The following EFNB2 variants were observed in gnomAD, a reference collection of about 807,000 sequenced individuals.
The protein encoded by EFNB2 is ephrin B2.
Under a neutral mutation model 32.1 loss-of-function variants are expected in EFNB2, and 5 were observed. The observed-to-expected ratio is 0.16, with a 90% confidence interval of 0.08 to 0.33. The LOEUF (loss-of-function observed/expected upper bound fraction) is 0.33. EFNB2 is among the 10% of genes least tolerant of loss of function. The probability of loss-of-function intolerance (pLI) is 1.00; values close to 1 mark genes in which losing one functional copy is unlikely to be tolerated. For missense variants in EFNB2, 263 were observed against 422.6 expected (o/e 0.62, Z 3.31); for synonymous variants, 168 against 166.5 (o/e 1.01, Z -0.07).
At chr13:106,514,718 C>T (rs1594170846) in intron 1 of EFNB2, among the ~76,000 whole-genome samples, 2 of 152,120 alleles carry the variant, frequency 1.3e-5, no homozygotes, top group Admixed American at 1.3e-4. Context: ...CACTCCAAAC[C>T]TTTTCTATCC....
Position 106,534,985 on chromosome 13 carries a change from C to A in EFNB2, c.-21G>T. 1 of 1,611,836 alleles carries A rather than the reference C, an allele frequency of 6.2e-7. No individual in the cohort carries two copies. The highest frequency in any genetic ancestry group is 1.1e-5 in the South Asian group (1 of 90,890). On this transcript the variant is annotated 5_prime_UTR_variant, in exon 1 of 5. Transcript: ENST00000646441. ...GCCATGGCGAAGCCACTCCCAGCTCCGCGCACTCCGGGCCAAGAAGGGACT... is the reference window on the plus strand; with the variant it reads ...GCCATGGCGAAGCCACTCCCAGCTCAGCGCACTCCGGGCCAAGAAGGGACT...
At chr13:106,530,621 AT>A (rs1390872003) in intron 1 of EFNB2, among the ~76,000 whole-genome samples, 8 of 152,094 alleles carry the variant, frequency 5.3e-5, no homozygotes, top group Non-Finnish European at 8.8e-5. Flanking sequence ...TTTCCTAAAA[AT>A]TTTTTTATTA....
rs151088236 is a variant in EFNB2 at position 106,524,467 on chromosome 13, T to C, written c.122+10376A>G. ...GGCCACAGTCTCCCCGTTGGTATTATGGATATATTAAAAGTGCTTCCCTCA... is the reference window on the plus strand; with the variant it reads ...GGCCACAGTCTCCCCGTTGGTATTACGGATATATTAAAAGTGCTTCCCTCA... On this transcript the variant is annotated intron_variant, in intron 1 of 4. Coordinates refer to ENST00000646441, the MANE Select transcript of EFNB2 (RefSeq NM_004093.4). Among the ~76,000 whole-genome samples, 34 of 152,332 alleles carry C rather than the reference T, an allele frequency of 2.2e-4. 1 individual carries two copies. Among genetic ancestry groups the C allele is most frequent in the African/African-American group, 7.2e-4 (30 of 41,574 alleles).
At chr13:106,532,528 G>A (rs2138949209) in intron 1 of EFNB2, among the ~76,000 whole-genome samples, 1 of 152,326 alleles carries the variant, frequency 6.6e-6, no homozygotes, top group South Asian at 2.1e-4. Flanking sequence ...CCTGTCATCA[G>A]GGGGTTGTAT....
At chr13:106,524,541 G>C (rs1879637187) in intron 1 of EFNB2, among the ~76,000 whole-genome samples, 1 of 152,212 alleles carries the variant, frequency 6.6e-6, no homozygotes, top group South Asian at 2.1e-4. Flanking sequence ...AGTTAGAATA[G>C]CAGCTGGCAC....
intron 3 of EFNB2, among the ~76,000 whole-genome samples, chr13:106,495,336 T>C (rs28576766): frequency 0.32 from 48,488 of 152,082 alleles, 7,977 homozygotes; most frequent in East Asian, 0.43. Context: ...CAATAGGTTA[T>C]CTATATTGGA....
intron 1 of EFNB2, among the ~76,000 whole-genome samples, chr13:106,514,479 CT>C (rs1251909281): frequency 2.6e-5 from 4 of 152,148 alleles, no homozygotes; most frequent in African/African-American, 9.7e-5. Context: ...AGGCTAATTT[CT>C]TTATCTCCCC....
At chr13:106,494,167 G>T (rs914912713) in intron 4 of EFNB2, among the ~76,000 whole-genome samples, 1 of 152,188 alleles carries the variant, frequency 6.6e-6, no homozygotes, top group African/African-American at 2.4e-5. Context: ...GAAAGGGATG[G>T]AATATTGCTG....
At chr13:106,507,318 T>C (rs1878987479) in intron 2 of EFNB2, among the ~76,000 whole-genome samples, 1 of 152,214 alleles carries the variant, frequency 6.6e-6, no homozygotes, top group Non-Finnish European at 1.5e-5. Flanking sequence ...ATCTATATGT[T>C]AAGAGGACAT....
intron 1 of EFNB2, among the ~76,000 whole-genome samples, chr13:106,527,610 T>C (rs564231585): frequency 2.6e-5 from 4 of 152,344 alleles, no homozygotes; most frequent in African/African-American, 9.6e-5. Context: ...AATTTATACA[T>C]GAAAGGAAAA....
intron 1 of EFNB2, among the ~76,000 whole-genome samples, chr13:106,524,971 A>G (rs1213306750): frequency 1.3e-5 from 2 of 152,224 alleles, no homozygotes; most frequent in Non-Finnish European, 2.9e-5. Flanking sequence ...GTATTATGCT[A>G]TAGTCTTTAT....
At chr13:106,514,996 C>A (rs1243774162) in intron 1 of EFNB2, among the ~76,000 whole-genome samples, 1 of 152,186 alleles carries the variant, frequency 6.6e-6, no homozygotes, top group Non-Finnish European at 1.5e-5. Context: ...TCACTAAGCT[C>A]CTTCTTCATT....
chr13:106,527,855 T>A (rs1353584521), intron 1 of EFNB2, among the ~76,000 whole-genome samples: 8 of 152,242 alleles, frequency 5.3e-5, no homozygotes, highest in African/African-American at 1.9e-4. Context: ...TCTTGAATGA[T>A]TGCTTTAATC....
At chr13:106,500,378 A>G (rs1189937026) in intron 2 of EFNB2, among the ~76,000 whole-genome samples, 1 of 152,248 alleles carries the variant, frequency 6.6e-6, no homozygotes, top group Non-Finnish European at 1.5e-5. Context: ...ATCCTACAGA[A>G]TAATGGTATC....
intron 1 of EFNB2, chr13:106,520,225 A>T (rs1879455915): frequency 6.6e-6 from 1 of 152,190 alleles, no homozygotes; most frequent in African/African-American, 2.4e-5. Flanking sequence ...TTTGGAAAAC[A>T]TGTACTTTTT....
intron 2 of EFNB2, chr13:106,506,073 A>G (rs888103977): frequency 2.0e-5 from 3 of 152,210 alleles, no homozygotes; most frequent in Admixed American, 2.0e-4. Flanking sequence ...ATCTTTATTC[A>G]TATTAAATTC....
intron 1 of EFNB2, among the ~76,000 whole-genome samples, chr13:106,528,430 C>T (rs184418168): frequency 6.6e-6 from 1 of 151,038 alleles, no homozygotes; most frequent in East Asian, 2.0e-4. Context: ...TTTTGTCAGA[C>T]ACAGAATCCA....
At chr13:106,521,521 C>A (rs1399264306) in intron 1 of EFNB2, 2 of 152,172 alleles carry the variant, frequency 1.3e-5, no homozygotes, top group South Asian at 4.1e-4. Flanking sequence ...GATACAGCTG[C>A]GTGTGATGCT....
At chr13:106,522,096 T>C (rs558410945) in intron 1 of EFNB2, among the ~76,000 whole-genome samples, 1 of 151,538 alleles carries the variant, frequency 6.6e-6, no homozygotes, top group Non-Finnish European at 1.5e-5. Context: ...AATCAGCCTA[T>C]GAATTTTGTA....
Sources: gnomAD v4.1 joint callset for allele counts (sites outside exome capture counted in the v4.1 genomes callset) on GRCh38, gnomAD v4.1.1 for gene constraint, MANE v1.5 for transcripts, NCBI Gene and HGNC (gene_info 2026-07-23, HGNC 2026-07-21) for gene names.